DRC8: variants seen among roughly 807,000 people sequenced by gnomAD.
The protein encoded by DRC8 is dynein regulatory complex protein 8.
the DRC8 span, among the ~76,000 whole-genome samples, chr1:245,022,149 CTT>C: frequency 4.2e-5 from 6 of 143,164 alleles, no homozygotes; most frequent in Non-Finnish European, 1.5e-5. Flanking sequence ...AAAACACAGA[CTT>C]TTTTTTTTTT....
the DRC8 span, chr1:245,086,855 T>TA: frequency 3.8e-6 from 2 of 531,342 alleles, no homozygotes; most frequent in African/African-American, 3.8e-5. Context: ...ACTTGTGCTT[T>TA]AACCACTCAG....
the DRC8 span, among the ~76,000 whole-genome samples, chr1:244,988,595 A>G: frequency 3.3e-5 from 5 of 152,208 alleles, no homozygotes; most frequent in Non-Finnish European, 7.3e-5. Flanking sequence ...TCAGATTCCT[A>G]TAAGGCTTAT....
At chr1:244,995,100 C>T in the DRC8 span, among the ~76,000 whole-genome samples, 5 of 152,052 alleles carry the variant, frequency 3.3e-5, no homozygotes, top group Non-Finnish European at 7.4e-5. Flanking sequence ...CGGTGGCTCA[C>T]ACCTGTCATC....
the DRC8 span, among the ~76,000 whole-genome samples, chr1:245,020,127 TC>T: frequency 6.6e-6 from 1 of 152,212 alleles, no homozygotes; most frequent in Non-Finnish European, 1.5e-5. Context: ...TGGTGTTACT[TC>T]CTGTGTAGGG....
chr1:245,107,937 ACTC>A, the DRC8 span, among the ~76,000 whole-genome samples: 1 of 151,642 alleles, frequency 6.6e-6, no homozygotes, highest in Non-Finnish European at 1.5e-5. Flanking sequence ...CTGGAGGCTA[ACTC>A]CTCCTCTGCT....
At chr1:245,095,964 A>G in the DRC8 span, among the ~76,000 whole-genome samples, 1 of 152,212 alleles carries the variant, frequency 6.6e-6, no homozygotes, top group African/African-American at 2.4e-5. Context: ...TTAGATAGGG[A>G]AAAATAGTAT....
At chr1:245,057,774 C>T in the DRC8 span, among the ~76,000 whole-genome samples, 3 of 151,958 alleles carry the variant, frequency 2.0e-5, no homozygotes, top group African/African-American at 7.3e-5. Flanking sequence ...TCACCTCAAA[C>T]GTTTATCTTT....
At chr1:245,059,301 C>T in the DRC8 span, 100 of 940,340 alleles carry the variant, frequency 1.1e-4, 1 homozygote, top group South Asian at 1.2e-3. Flanking sequence ...TCCTACATTA[C>T]AAAATATGCT....
chr1:245,035,396 T>A, the DRC8 span, among the ~76,000 whole-genome samples: 1 of 151,758 alleles, frequency 6.6e-6, no homozygotes, highest in African/African-American at 2.4e-5. Context: ...GGAATAGAAT[T>A]GAGTCTGGAA....
the DRC8 span, among the ~76,000 whole-genome samples, chr1:245,090,730 G>A: frequency 6.6e-6 from 1 of 150,766 alleles, no homozygotes; most frequent in Admixed American, 6.6e-5. Flanking sequence ...TCTGGCCTAC[G>A]TGTCTTTGTC....
At chr1:245,032,766 T>C in the DRC8 span, among the ~76,000 whole-genome samples, 1 of 152,172 alleles carries the variant, frequency 6.6e-6, no homozygotes, top group Non-Finnish European at 1.5e-5. Context: ...ATTCAGTGAA[T>C]GATCTTGTCT....
chr1:245,049,714 T>G, the DRC8 span, among the ~76,000 whole-genome samples: 1 of 152,210 alleles, frequency 6.6e-6, no homozygotes, highest in Non-Finnish European at 1.5e-5. This position sits in a 1 kb window ranked among gnomAD's most constrained non-coding sequence, Gnocchi z 4.5. Context: ...GGGTGGAATA[T>G]CCACAGCTTT....
chr1:245,076,508 ACT>A, the DRC8 span, among the ~76,000 whole-genome samples: 1 of 152,202 alleles, frequency 6.6e-6, no homozygotes, highest in African/African-American at 2.4e-5. Context: ...TTTAAAAAAG[ACT>A]CTGACCAATA....
chr1:245,002,859 T>C, the DRC8 span, among the ~76,000 whole-genome samples: 12 of 152,018 alleles, frequency 7.9e-5, no homozygotes, highest in Admixed American at 5.9e-4. Flanking sequence ...TAAGAATTAG[T>C]ATCTCAAATT....
the DRC8 span, among the ~76,000 whole-genome samples, chr1:245,016,917 G>A: frequency 6.6e-6 from 1 of 152,192 alleles, no homozygotes; most frequent in Non-Finnish European, 1.5e-5. Flanking sequence ...AGATAGAGAG[G>A]CCGCTGCTGG....
At chr1:245,087,875 G>A in the DRC8 span, 3 of 611,590 alleles carry the variant, frequency 4.9e-6, no homozygotes, top group East Asian at 1.4e-4. Context: ...TATCATTTGG[G>A]ATAATAATAA....
the DRC8 span, among the ~76,000 whole-genome samples, chr1:245,038,460 A>G: frequency 6.7e-6 from 1 of 149,850 alleles, no homozygotes; most frequent in Non-Finnish European, 1.5e-5. Flanking sequence ...ACAGAGTGAG[A>G]CTCCGTCTCA....
chr1:245,086,514 A>G, the DRC8 span, among the ~76,000 whole-genome samples: 3 of 152,242 alleles, frequency 2.0e-5, no homozygotes, highest in Non-Finnish European at 2.9e-5. Flanking sequence ...CCTGGATGTC[A>G]TATGATAAAA....
the DRC8 span, among the ~76,000 whole-genome samples, chr1:245,051,464 G>C: frequency 6.6e-6 from 1 of 152,086 alleles, no homozygotes; most frequent in Admixed American, 6.6e-5. Context: ...GTAGGGGACA[G>C]TAAGGAGGTT....
Sources: allele counts gnomAD v4.1 joint callset (sites outside exome capture counted in the v4.1 genomes callset), GRCh38; gene constraint gnomAD v4.1.1; non-coding constraint Gnocchi (gnomAD v3.1); transcripts MANE v1.5; gene names NCBI Gene and HGNC (gene_info 2026-07-23, HGNC 2026-07-21).